The following ARHGAP15 variants were observed in gnomAD, a reference collection of about 807,000 sequenced individuals.
The protein encoded by ARHGAP15 is rho GTPase-activating protein 15.
A neutral mutation model predicts 63.7 loss-of-function variants in ARHGAP15; 51 were observed. The ratio of observed to expected loss-of-function variants is 0.80; its 90% confidence interval spans 0.64 to 1.01. ARHGAP15 has a LOEUF of 1.01. Among genes scored for constraint, ARHGAP15 ranks in the 50% least tolerant of loss-of-function variants. ARHGAP15 has a pLI of 0.00. For synonymous variants in ARHGAP15, 191 were observed against 193.8 expected, an observed-to-expected ratio of 0.99 and a Z score of 0.12; for missense variants, 560 against 564.6, an observed-to-expected ratio of 0.99 and a Z score of 0.08.
At chr2:143,172,911 A>T (rs1394052616) in intron 2 of ARHGAP15, among the ~76,000 whole-genome samples, 1 of 152,106 alleles carries the variant, frequency 6.6e-6, no homozygotes, top group African/African-American at 2.4e-5. Flanking sequence ...AATAGCCAAG[A>T]TCCCATTGAG....
rs58153000 is a variant in ARHGAP15, at chr2:143,373,629, C to CAA, written c.475-61942_475-61941dup. Among the ~76,000 whole-genome samples the CAA allele has an allele frequency of 6.9e-3, 434 of 62,908 alleles. 19 individuals carry two copies. Among genetic ancestry groups the CAA allele is most frequent in the Non-Finnish European group, 0.011 (341 of 32,316 alleles). 41.3% of individuals were successfully genotyped at this position (62,908 alleles called of 152,430 possible). ...TGGGTGAGAGAGCCAGACTCTATCT[C>CAA]AAAAAAAAAAAAAAAAAAAAAAAAA... is the stretch of plus-strand genomic sequence containing the variant. On this transcript the variant is annotated intron_variant, in intron 6 of 13. Coordinates refer to ENST00000295095, the MANE Select transcript of ARHGAP15 (RefSeq NM_018460.4).
chr2:143,452,661 T>TA (rs931524186), intron 8 of ARHGAP15, among the ~76,000 whole-genome samples: 2 of 150,658 alleles, frequency 1.3e-5, no homozygotes, highest in Non-Finnish European at 3.0e-5. Flanking sequence ...CTTTGGATTT[T>TA]TTTTTTTTTT....
chr2:143,270,725 G>A (rs534989447), intron 6 of ARHGAP15, among the ~76,000 whole-genome samples: 1 of 152,180 alleles, frequency 6.6e-6, no homozygotes, highest in South Asian at 2.1e-4. Context: ...AGAAAATCAA[G>A]TCTCCTGGTC....
At chr2:143,470,298 A>C (rs1204013280) in intron 8 of ARHGAP15, among the ~76,000 whole-genome samples, 2 of 147,780 alleles carry the variant, frequency 1.4e-5, no homozygotes, top group South Asian at 2.1e-4. Flanking sequence ...TTTGGAAAAA[A>C]AAAAAAAAAG....
intron 6 of ARHGAP15, among the ~76,000 whole-genome samples, chr2:143,427,059 C>A (rs1404535858): frequency 6.6e-6 from 1 of 152,082 alleles, no homozygotes; most frequent in African/African-American, 2.4e-5. Flanking sequence ...AAACCTGAAT[C>A]TAATGCAAAT....
chr2:143,197,382 T>A (rs1470245811), intron 2 of ARHGAP15, among the ~76,000 whole-genome samples: 1 of 152,000 alleles, frequency 6.6e-6, no homozygotes, highest in African/African-American at 2.4e-5. Flanking sequence ...AATAAGCTAT[T>A]AATCGATATC....
chr2:143,415,459 TA>T (rs1157644119), intron 6 of ARHGAP15, among the ~76,000 whole-genome samples: 1 of 151,738 alleles, frequency 6.6e-6, no homozygotes, highest in Non-Finnish European at 1.5e-5. Context: ...AATAGATAAC[TA>T]AAAAAAATTT....
chr2:143,630,313 T>C (rs1352963081), intron 12 of ARHGAP15, among the ~76,000 whole-genome samples: 1 of 152,132 alleles, frequency 6.6e-6, no homozygotes, highest in African/African-American at 2.4e-5. Context: ...GAAATTTATT[T>C]ATATGTACAC....
intron 2 of ARHGAP15, among the ~76,000 whole-genome samples, chr2:143,160,849 G>C (rs185960434): frequency 4.7e-4 from 71 of 152,078 alleles, no homozygotes; most frequent in Non-Finnish European, 9.0e-4. Context: ...AAAAGGTTCA[G>C]AAAGTTTATG....
intron 6 of ARHGAP15, among the ~76,000 whole-genome samples, chr2:143,297,346 A>G (rs951902199): frequency 3.9e-5 from 6 of 151,950 alleles, no homozygotes; most frequent in Non-Finnish European, 5.9e-5. Context: ...CAATGTACTG[A>G]GTCTGCAGTA....
At chr2:143,716,012 G>T (rs1684793857) in intron 13 of ARHGAP15, among the ~76,000 whole-genome samples, 1 of 152,148 alleles carries the variant, frequency 6.6e-6, no homozygotes, top group South Asian at 2.1e-4. Flanking sequence ...GGTTGTGGGG[G>T]TGTGAGATGG....
Position 143,519,402 on chromosome 2 carries a change from GCACCCTCT to G in ARHGAP15, c.925+39_925+46del, listed in dbSNP as rs767828177. On this transcript the variant is annotated intron_variant, in intron 10 of 13. Coordinates refer to ENST00000295095, the MANE Select transcript of ARHGAP15 (RefSeq NM_018460.4). The stretch of plus-strand genomic sequence containing the variant: ...ATGTGCAGCAGTTCCCCCCATTACT[GCACCCTCT>G]ACACAACCAATACTCAAGTTAGCAG... The G allele has an allele frequency of 2.6e-6, 4 of 1,519,410 alleles. No homozygotes were observed. In the South Asian group the frequency reaches 3.4e-5, roughly 13 times the overall value. 94.1% of individuals were successfully genotyped at this position (1,519,410 alleles called of 1,614,324 possible).
rs1693155813 is a variant in ARHGAP15, at chr2:143,503,235, C to A, written c.826+15740C>A. On this transcript the variant is annotated intron_variant, in intron 9 of 13. Coordinates refer to ENST00000295095, the MANE Select transcript of ARHGAP15 (RefSeq NM_018460.4). ...TTATATAATGTTTGAGTATGTAAAG[C>A]ACACTTGAAATAATTAAAATACATG... 2.0e-5 allele frequency among the ~76,000 whole-genome samples: 3 copies of A among 152,196 alleles called. No individual in the cohort carries two copies. In the South Asian group the frequency reaches 6.2e-4, roughly 31 times the overall value.
intron 5 of ARHGAP15, among the ~76,000 whole-genome samples, chr2:143,249,539 A>G (rs1401734276): frequency 7.2e-5 from 11 of 152,152 alleles, no homozygotes; most frequent in Admixed American, 3.9e-4. Context: ...TTTTATGGAC[A>G]ATGACTTGAG....
chr2:143,471,202 A>ATGTGTGTAT (rs1553485942), intron 8 of ARHGAP15, among the ~76,000 whole-genome samples: 1 of 141,772 alleles, frequency 7.1e-6, no homozygotes, highest in Non-Finnish European at 1.6e-5. Context: ...ACACACATAT[A>ATGTGTGTAT]TGTGTGTATA....
At chr2:143,424,518 C>T (rs1015976947) in intron 6 of ARHGAP15, among the ~76,000 whole-genome samples, 43 of 151,916 alleles carry the variant, frequency 2.8e-4, no homozygotes, top group Non-Finnish European at 4.4e-4. Context: ...ACAGAGAGGG[C>T]ATAGGGACAG....
intron 6 of ARHGAP15, among the ~76,000 whole-genome samples, chr2:143,341,768 C>T (rs1685066651): frequency 6.6e-6 from 1 of 152,070 alleles, no homozygotes; most frequent in African/African-American, 2.4e-5. Flanking sequence ...TCCCTTTCTG[C>T]TTATTTAATA....
chr2:143,549,458 A>G (rs1027762767), intron 10 of ARHGAP15, among the ~76,000 whole-genome samples: 2 of 152,182 alleles, frequency 1.3e-5, no homozygotes, highest in East Asian at 1.9e-4. Flanking sequence ...AGACACCACA[A>G]TTAGGCACAG....
chr2:143,723,330 G>GCAGGGGCT (rs1422608976), intron 13 of ARHGAP15, among the ~76,000 whole-genome samples: 1 of 152,188 alleles, frequency 6.6e-6, no homozygotes, highest in East Asian at 1.9e-4. Flanking sequence ...ACTTAGGGAT[G>GCAGGGGCT]GAGGGGCTGA....
Sources: allele counts gnomAD v4.1 joint callset (sites outside exome capture counted in the v4.1 genomes callset), GRCh38; gene constraint gnomAD v4.1.1; transcripts MANE v1.5; gene names NCBI Gene and HGNC (gene_info 2026-07-23, HGNC 2026-07-21).